Variants in SKAP1 observed in about 807,000 individuals in gnomAD.
SKAP1 encodes the protein src kinase associated phosphoprotein 1.
In SKAP1, 44 loss-of-function variants were observed where a neutral mutation model predicts 58.5. The observed-to-expected ratio is 0.75, with a 90% CI of 0.59 to 0.97. The LOEUF is 0.97. Among genes scored for constraint, SKAP1 ranks in the 50% least tolerant of loss-of-function variants. The pLI, the probability that SKAP1 is intolerant of heterozygous loss-of-function variation, is 0.00. For synonymous variants in SKAP1, 127 were observed against 149.7 expected (o/e 0.85, Z 1.11); for missense variants, 390 against 435.2 (o/e 0.90, Z 0.92).
chr17:48,191,094 T>C (rs569317030), intron 4 of SKAP1, among the ~76,000 whole-genome samples: 2 of 152,358 alleles, frequency 1.3e-5, no homozygotes, highest in East Asian at 3.9e-4. Context: ...CTGCTAACAT[T>C]CTTGGCTTTC....
intron 4 of SKAP1, among the ~76,000 whole-genome samples, chr17:48,206,597 T>G (rs1013766941): frequency 2.6e-5 from 4 of 152,072 alleles, no homozygotes; most frequent in African/African-American, 9.7e-5. Flanking sequence ...GAATGGGGAA[T>G]TGATGGCTGG....
chr17:48,246,011 A>G (rs928731944), intron 4 of SKAP1, among the ~76,000 whole-genome samples: 1 of 152,078 alleles, frequency 6.6e-6, no homozygotes, highest in Non-Finnish European at 1.5e-5. Flanking sequence ...AAACAACAAA[A>G]AAACCCACAA....
At chr17:48,210,981 A>T (rs1302239593) in intron 4 of SKAP1, among the ~76,000 whole-genome samples, 1 of 152,142 alleles carries the variant, frequency 6.6e-6, no homozygotes, top group Non-Finnish European at 1.5e-5. Flanking sequence ...AACAAAATAG[A>T]AGGTAATTTG....
intron 4 of SKAP1, among the ~76,000 whole-genome samples, chr17:48,232,222 T>TCATTTGCATGTATGC: frequency 6.6e-6 from 1 of 152,360 alleles, no homozygotes; most frequent in South Asian, 2.1e-4. Flanking sequence ...CAAATGGGAC[T>TCATTTGCATGTATGC]CAGGAATCTG....
chr17:48,198,177 C>T (rs996798092), intron 4 of SKAP1, among the ~76,000 whole-genome samples: 2 of 151,938 alleles, frequency 1.3e-5, no homozygotes, highest in African/African-American at 2.4e-5. Context: ...GGGTTTTGGC[C>T]GGGCGCGGTG....
chr17:48,173,602 T>C (rs1411115647), intron 9 of SKAP1, among the ~76,000 whole-genome samples: 8 of 152,224 alleles, frequency 5.3e-5, no homozygotes, highest in Non-Finnish European at 8.8e-5. Context: ...AGAGCAGCTC[T>C]TTTGTTGATA....
chr17:48,420,803 A>T (rs2067784290), intron 1 of SKAP1, among the ~76,000 whole-genome samples: 2 of 152,134 alleles, frequency 1.3e-5, no homozygotes, highest in Admixed American at 1.3e-4. Context: ...TTCGGGCTGG[A>T]TGATTCTTTA....
At chr17:48,433,710 G>A (rs1348975069), upstream of SKAP1, among the ~76,000 whole-genome samples, 1 of 152,176 alleles carries the variant, frequency 6.6e-6, no homozygotes, top group Non-Finnish European at 1.5e-5. Flanking sequence ...GAACAGCCAG[G>A]AATGGAGTCC....
intron 3 of SKAP1, among the ~76,000 whole-genome samples, chr17:48,357,751 A>G (rs1177369144): frequency 6.6e-6 from 1 of 152,226 alleles, no homozygotes; most frequent in Non-Finnish European, 1.5e-5. Context: ...CCACCCTACC[A>G]GTAGATGTAT....
At chr17:48,195,284 G>C (rs914818978) in intron 4 of SKAP1, among the ~76,000 whole-genome samples, 1 of 152,164 alleles carries the variant, frequency 6.6e-6, no homozygotes, top group Non-Finnish European at 1.5e-5. Context: ...AGTTTGTAGT[G>C]TCTGGCAGGA....
At chr17:48,229,093 C>T (rs1378979481) in intron 4 of SKAP1, among the ~76,000 whole-genome samples, 1 of 152,204 alleles carries the variant, frequency 6.6e-6, no homozygotes, top group African/African-American at 2.4e-5. Flanking sequence ...CTGGATCCTA[C>T]TCTCTTTACA....
intron 2 of SKAP1, among the ~76,000 whole-genome samples, chr17:48,379,202 C>T (rs1012496934): frequency 1.3e-5 from 2 of 152,160 alleles, no homozygotes; most frequent in African/African-American, 2.4e-5. Flanking sequence ...AAATATACTT[C>T]AAAAGACACG....
chr17:48,325,734 G>A (rs1256890839), intron 4 of SKAP1, among the ~76,000 whole-genome samples: 2 of 152,108 alleles, frequency 1.3e-5, no homozygotes, highest in Non-Finnish European at 2.9e-5. Context: ...ATAATGTGCT[G>A]TACAAGAATC....
At chr17:48,329,639 G>A (rs1331892570) in intron 4 of SKAP1, among the ~76,000 whole-genome samples, 1 of 152,142 alleles carries the variant, frequency 6.6e-6, no homozygotes. Context: ...CCCGGGAGGC[G>A]GAGGTTGCAG....
At chr17:48,263,509 C>T (rs537612320) in intron 4 of SKAP1, among the ~76,000 whole-genome samples, 78 of 152,198 alleles carry the variant, frequency 5.1e-4, no homozygotes, top group Non-Finnish European at 9.3e-4. Context: ...TATCCTGACT[C>T]TTCCAATATT....
intron 4 of SKAP1, among the ~76,000 whole-genome samples, chr17:48,251,093 C>T (rs1048564188): frequency 1.3e-5 from 2 of 152,190 alleles, no homozygotes; most frequent in African/African-American, 4.8e-5. Flanking sequence ...TCCCATAAAA[C>T]ATTATTTATA....
At chr17:48,182,580 G>A (rs2064384398) in intron 7 of SKAP1, 123 bp from the exon 8 acceptor site, 1 of 674,830 alleles carries the variant, frequency 1.5e-6, no homozygotes, top group Non-Finnish European at 2.6e-6. Context: ...AGGATTCTCT[G>A]CCTGCTTAAC....
chr17:48,323,603 T>C (rs2066395703), intron 4 of SKAP1, among the ~76,000 whole-genome samples: 1 of 152,134 alleles, frequency 6.6e-6, no homozygotes, highest in African/African-American at 2.4e-5. Context: ...TAATATGCAT[T>C]ATACTAAGAA....
At chr17:48,377,782 A>G (rs1042304138) in intron 2 of SKAP1, among the ~76,000 whole-genome samples, 8 of 152,142 alleles carry the variant, frequency 5.3e-5, no homozygotes, top group Non-Finnish European at 8.8e-5. Flanking sequence ...AGGGATAGGT[A>G]ATAGAGCTCA....
Sources: allele counts gnomAD v4.1 joint callset (sites outside exome capture counted in the v4.1 genomes callset), GRCh38; gene constraint gnomAD v4.1.1; transcripts MANE v1.5; gene names NCBI Gene and HGNC (gene_info 2026-07-23, HGNC 2026-07-21).